Variants in ADCY2 observed in about 807,000 individuals in gnomAD.
The protein encoded by ADCY2 is adenylate cyclase 2.
In ADCY2, 31 loss-of-function variants were observed where a neutral mutation model predicts 125.2. That is an observed-to-expected ratio of 0.25 (90% confidence interval 0.19 to 0.33). The LOEUF is 0.33. Among genes scored for constraint, ADCY2 ranks in the 10% least tolerant of loss-of-function variants. The pLI is 1.00. For missense variants in ADCY2, 904 were observed against 1,418.2 expected (o/e 0.64, Z 5.82); for synonymous variants, 512 against 548.4 (o/e 0.93, Z 0.93).
At chr5:7,501,623 CA>C (rs1234427377) in intron 2 of ADCY2, among the ~76,000 whole-genome samples, 1 of 59,618 alleles carries the variant, frequency 1.7e-5, no homozygotes, top group African/African-American at 7.4e-5. Context: ...CATATCCCAT[CA>C]AAAAAGAATG....
intron 22 of ADCY2, among the ~76,000 whole-genome samples, chr5:7,810,290 A>T (rs538974939): frequency 1.3e-3 from 184 of 140,616 alleles, no homozygotes; most frequent in Admixed American, 3.5e-3. Flanking sequence ...ATCTGCTTGA[A>T]TGGTGGGTTA....
chr5:7,804,789 T>C, intron 22 of ADCY2, 97 bp downstream of exon 22: 1 of 852,044 alleles, frequency 1.2e-6, no homozygotes, highest in Non-Finnish European at 2.0e-6. Context: ...CCAAGAACTG[T>C]ATATTTTGTA....
At chr5:7,521,188 CA>C (rs1231679320) in intron 3 of ADCY2, among the ~76,000 whole-genome samples, 3 of 152,276 alleles carry the variant, frequency 2.0e-5, no homozygotes, top group Non-Finnish European at 4.4e-5. Flanking sequence ...TTTTGATGGT[CA>C]AAAGGTGTTC....
intron 3 of ADCY2, among the ~76,000 whole-genome samples, chr5:7,543,625 G>A (rs1392458195): frequency 6.6e-6 from 1 of 152,086 alleles, no homozygotes; most frequent in African/African-American, 2.4e-5. Context: ...AATTACCTTT[G>A]CACCAACTTA....
chr5:7,736,281 T>G (rs1398295538), intron 14 of ADCY2, among the ~76,000 whole-genome samples: 4 of 152,204 alleles, frequency 2.6e-5, no homozygotes, highest in African/African-American at 9.7e-5. Flanking sequence ...CATCTGCACA[T>G]GAATTTTTCT....
intron 2 of ADCY2, among the ~76,000 whole-genome samples, chr5:7,418,647 GTTTTT>G (rs869287430): frequency 2.4e-4 from 18 of 73,764 alleles, no homozygotes; most frequent in Admixed American, 5.5e-4. Context: ...TCTACCTTCT[GTTTTT>G]TTTTTTTTTT....
intron 7 of ADCY2, among the ~76,000 whole-genome samples, chr5:7,700,582 G>A (rs1741045257): frequency 6.6e-6 from 1 of 151,698 alleles, no homozygotes; most frequent in African/African-American, 2.4e-5. Flanking sequence ...AAGTAGAAAG[G>A]GCTTTATGTG....
At chr5:7,429,185 G>T (rs1026596777) in intron 2 of ADCY2, among the ~76,000 whole-genome samples, 1 of 152,184 alleles carries the variant, frequency 6.6e-6, no homozygotes, top group Non-Finnish European at 1.5e-5. Context: ...CCCTGAAAGA[G>T]CAGGTACAGT....
At chr5:7,714,243 A>G (rs1741528254) in intron 11 of ADCY2, among the ~76,000 whole-genome samples, 1 of 152,226 alleles carries the variant, frequency 6.6e-6, no homozygotes, top group African/African-American at 2.4e-5. Flanking sequence ...TCTATGAGCA[A>G]CTGACCACAG....
At chr5:7,759,423 G>A (rs1257640984) in intron 16 of ADCY2, among the ~76,000 whole-genome samples, 2 of 152,234 alleles carry the variant, frequency 1.3e-5, no homozygotes, top group East Asian at 1.9e-4. Context: ...CACCAGGCAA[G>A]TCCATGCAGG....
At chr5:7,595,431 A>G (rs1203303726) in intron 3 of ADCY2, among the ~76,000 whole-genome samples, 2 of 152,200 alleles carry the variant, frequency 1.3e-5, no homozygotes, top group South Asian at 2.1e-4. Flanking sequence ...TTTTCCAAAT[A>G]TACATGAAAT....
At chr5:7,414,208 GT>G (rs1273807646) in intron 1 of ADCY2, among the ~76,000 whole-genome samples, 3 of 152,170 alleles carry the variant, frequency 2.0e-5, no homozygotes, top group Admixed American at 6.5e-5. Flanking sequence ...TAAGGCCGGG[GT>G]TTTTCTGCTC....
At chr5:7,786,870 A>G (rs1250153883) in intron 19 of ADCY2, among the ~76,000 whole-genome samples, 2 of 152,192 alleles carry the variant, frequency 1.3e-5, no homozygotes, top group Non-Finnish European at 2.9e-5. Context: ...TCTTCTGTCT[A>G]CGTAGAAAGA....
chr5:7,632,095 C>A (rs1434698455), intron 4 of ADCY2, among the ~76,000 whole-genome samples: 2 of 152,142 alleles, frequency 1.3e-5, no homozygotes, highest in Non-Finnish European at 2.9e-5. Context: ...TTTCTCACTG[C>A]AGTTGCTGAA....
At chr5:7,475,815 C>T (rs2162850) in intron 2 of ADCY2, among the ~76,000 whole-genome samples, 2,067 of 152,210 alleles carry the variant, frequency 0.014, 43 homozygotes, top group African/African-American at 0.047. Flanking sequence ...GAGACTGTGG[C>T]GGGACTGAGT....
chr5:7,483,040 A>T (rs1434181467), intron 2 of ADCY2, among the ~76,000 whole-genome samples: 1 of 151,874 alleles, frequency 6.6e-6, no homozygotes, highest in Non-Finnish European at 1.5e-5. Context: ...GGATGAAGAG[A>T]CATTGGTTAA....
At chr5:7,761,148 CTTTTTTT>C (rs367998018) in intron 16 of ADCY2, among the ~76,000 whole-genome samples, 1 of 88,162 alleles carries the variant, frequency 1.1e-5, no homozygotes, top group Non-Finnish European at 2.0e-5. Context: ...CTTTTCTTTT[CTTTTTTT>C]TTTTTTTTTT....
intron 15 of ADCY2, among the ~76,000 whole-genome samples, chr5:7,755,266 G>A (rs983037509): frequency 6.6e-6 from 1 of 152,182 alleles, no homozygotes; most frequent in African/African-American, 2.4e-5. Context: ...TCCCTGGTAG[G>A]TACTCAGAGA....
chr5:7,512,218 CAAAAAAAAAA>C (rs57381383), intron 2 of ADCY2, among the ~76,000 whole-genome samples: 1 of 57,914 alleles, frequency 1.7e-5, no homozygotes, highest in Middle Eastern at 0.013. Flanking sequence ...ATGACTCCAT[CAAAAAAAAAA>C]AAAAAAAAAA....
Sources: gnomAD v4.1 joint callset for allele counts (sites outside exome capture counted in the v4.1 genomes callset) on GRCh38, gnomAD v4.1.1 for gene constraint, MANE v1.5 for transcripts, NCBI Gene and HGNC (gene_info 2026-07-23, HGNC 2026-07-21) for gene names.